Variants in TBCB observed in about 807,000 individuals in gnomAD.
The protein encoded by TBCB is tubulin-folding cofactor B.
Under a neutral mutation model 29.2 loss-of-function variants are expected in TBCB, and 18 were observed. The observed-to-expected ratio is 0.62, with a 90% confidence interval of 0.43 to 0.91. TBCB has a LOEUF of 0.91. Among genes scored for constraint, TBCB ranks in the 40% least tolerant of loss-of-function variants. The probability of loss-of-function intolerance (pLI) is 0.00; values close to 1 mark genes in which losing one functional copy is unlikely to be tolerated. For missense variants in TBCB, 336 were observed against 337.6 expected (o/e 1.00, Z 0.04); for synonymous variants, 172 against 137.8 (o/e 1.25, Z -1.74).
intron 4 of TBCB, among the ~76,000 whole-genome samples, chr19:36,123,254 C>CTTTTTT (rs201890657): frequency 6.1e-5 from 8 of 131,436 alleles, no homozygotes; most frequent in Non-Finnish European, 1.1e-4. Flanking sequence ...GAACCTTCTT[C>CTTTTTT]TTTTTTTTTT....
intron 4 of TBCB, among the ~76,000 whole-genome samples, chr19:36,123,254 CT>C (rs201890657): frequency 0.014 from 1,820 of 131,406 alleles, 6 homozygotes; most frequent in South Asian, 0.041. Context: ...GAACCTTCTT[CT>C]TTTTTTTTTT....
intron 4 of TBCB, among the ~76,000 whole-genome samples, chr19:36,123,254 CTTTTTT>C (rs201890657): frequency 3.8e-5 from 5 of 131,398 alleles, no homozygotes; most frequent in East Asian, 2.2e-4. Context: ...GAACCTTCTT[CTTTTTT>C]TTTTTTTTTT....
chr19:36,115,147 C>T (rs992923064), upstream of TBCB: 15 of 572,002 alleles, frequency 2.6e-5, no homozygotes, highest in African/African-American at 2.7e-4. Flanking sequence ...CATCGTAAAC[C>T]GCAAAACACT....
intron 2 of TBCB, among the ~76,000 whole-genome samples, chr19:36,117,185 C>T (rs1387652062): frequency 6.6e-6 from 1 of 152,122 alleles, no homozygotes. Context: ...AGTAATTCTC[C>T]TCTGACACAC....
chr19:36,116,203 G>A lies in TBCB; in HGVS notation c.258+19G>A, dbSNP rs200039146. The stretch of plus-strand genomic sequence containing the variant: ...CATCCACGTGAGGACTCTCTATCTG[G>A]GACACTCCCCCACCCCACCTTTCAT... On this transcript the variant is annotated intron_variant, in intron 2 of 5. Coordinates refer to ENST00000221855, the MANE Select transcript of TBCB (RefSeq NM_001281.3). 4 of 1,610,706 alleles carry A rather than the reference G, an allele frequency of 2.5e-6. No homozygotes were observed. The highest frequency in any genetic ancestry group is 1.3e-5 in the African/African-American group (1 of 74,836).
intron 4 of TBCB, 84 bp from the exon 5 acceptor site, chr19:36,125,367 G>A: frequency 5.6e-6 from 8 of 1,432,516 alleles, no homozygotes; most frequent in Non-Finnish European, 7.9e-6. Context: ...CAATGGGTAG[G>A]CATGGATCCA....
Position 36,121,426 on chromosome 19 carries a change from AAG to A in TBCB, c.356-94_356-93del, listed in dbSNP as rs1974047296. 4.3e-6 allele frequency: 6 copies of A among 1,382,954 alleles called. No individual in the cohort carries two copies. The South Asian group carries it at 5.7e-5, about 13-fold the overall frequency. The allele number at this position is 1,382,954 out of a possible 1,614,324, so 85.7% of individuals were successfully genotyped here. A position where few individuals can be genotyped will look rare whatever the true frequency, so the allele number is the denominator to read the frequency against. On this transcript the variant is annotated intron_variant, in intron 3 of 5. Transcript: ENST00000221855. Reference sequence around the variant, plus strand: ...TGGGTGACAGCCCTTTGTCACCTGGAAGAGAGAGTTCCTCCGTGAACGTGGGC... The same window carrying A: ...TGGGTGACAGCCCTTTGTCACCTGGAAGAGAGTTCCTCCGTGAACGTGGGC...
chr19:36,124,529 G>T (rs938775775), intron 4 of TBCB, among the ~76,000 whole-genome samples: 1 of 151,864 alleles, frequency 6.6e-6, no homozygotes, highest in African/African-American at 2.4e-5. Flanking sequence ...CCATCGGTAT[G>T]TCGGGGTTTG....
intron 2 of TBCB, chr19:36,118,723 G>C (rs1230836464): frequency 2.0e-5 from 3 of 151,958 alleles, no homozygotes; most frequent in Non-Finnish European, 4.4e-5. Flanking sequence ...ATGGGGAAGG[G>C]GTGCCCTAGG....
Position 36,115,553 on chromosome 19 carries a change from G to C in TBCB, c.-8G>C. ...ACCGCGCTGCAGGCATCCGCAGGGCGCGGCAAGATGGAGGTGACGGGGGTG... is the reference window on the plus strand; with the variant it reads ...ACCGCGCTGCAGGCATCCGCAGGGCCCGGCAAGATGGAGGTGACGGGGGTG... On this transcript the variant is annotated 5_prime_UTR_variant, in exon 1 of 6. Transcript: ENST00000221855. 1 of 1,598,052 alleles carries C rather than the reference G, an allele frequency of 6.3e-7. No individual in the cohort carries two copies. Among genetic ancestry groups the C allele is most frequent in the East Asian group, 2.3e-5 (1 of 43,702 alleles).
intron 1 of TBCB, 102 bp downstream of exon 1, chr19:36,115,776 G>A: frequency 3.2e-6 from 4 of 1,247,448 alleles, no homozygotes; most frequent in Non-Finnish European, 4.5e-6. Flanking sequence ...GGGCGGGCCC[G>A]GAGGTGATCC....
At chr19:36,124,078 G>A (rs886394017) in intron 4 of TBCB, among the ~76,000 whole-genome samples, 2 of 152,080 alleles carry the variant, frequency 1.3e-5, no homozygotes, top group African/African-American at 2.4e-5. Flanking sequence ...CAGCACTTTA[G>A]TCTGTCTTTT....
At position 36,125,780 on chromosome 19, in the gene TBCB, T is replaced by C. The variant is rs779711727; in HGVS notation, c.733T>C (p.Ter245ArgextTer43). ...GGAGGACTACGGGTTGGACGAGATA[T>C]GACACCTAAGGAATTCCCCTGCTTC... is the stretch of plus-strand genomic sequence containing the variant. The part of the protein sequence containing the change: ...PEEDYGLDEI[*>R] Residue 245 changes from the stop codon to arginine (R), a stop_lost, in exon 6 of 6, where the codon TGA (stop) becomes CGA (arginine). Transcript: ENST00000221855. 1.3e-6 allele frequency: 2 copies of C among 1,527,416 alleles called. No homozygotes were observed. The highest frequency in any genetic ancestry group is 1.4e-5 in the African/African-American group (1 of 72,180). 94.6% of individuals were successfully genotyped at this position (1,527,416 alleles called of 1,614,324 possible).
chr19:36,123,207 A>G (rs1974084323), intron 4 of TBCB, among the ~76,000 whole-genome samples: 1 of 148,490 alleles, frequency 6.7e-6, no homozygotes, highest in Non-Finnish European at 1.5e-5. Flanking sequence ...CATTAGGGTC[A>G]TTTCCACTTT....
intron 4 of TBCB, 128 bp from the exon 5 acceptor site, chr19:36,125,323 C>T: frequency 9.9e-7 from 1 of 1,010,758 alleles, no homozygotes. Context: ...ATAGAGGTAG[C>T]AAGAAATGGT....
At chr19:36,118,973 C>G (rs1311131352) in intron 2 of TBCB, among the ~76,000 whole-genome samples, 2 of 152,158 alleles carry the variant, frequency 1.3e-5, no homozygotes, top group Non-Finnish European at 2.9e-5. Context: ...AGCTGTGGGT[C>G]AGGCCTCTGC....
chr19:36,118,471 G>T (rs1299424300), intron 2 of TBCB: 1 of 152,178 alleles, frequency 6.6e-6, no homozygotes, highest in African/African-American at 2.4e-5. Flanking sequence ...GAGGTGGACA[G>T]ATCACTTAAG....
At position 36,121,729 on chromosome 19, in the gene TBCB, C is replaced by G. The variant is rs1480870000; in HGVS notation, c.547+11C>G. 4 of 1,547,808 alleles carry G rather than the reference C, an allele frequency of 2.6e-6. No homozygotes were observed. The highest frequency in any genetic ancestry group is 3.5e-6 in the Non-Finnish European group (4 of 1,146,710). On this transcript the variant is annotated intron_variant, in intron 4 of 5. Coordinates refer to ENST00000221855, the MANE Select transcript of TBCB (RefSeq NM_001281.3). ...CCGTCATGTATGTAGGTGCGTGGCT[C>G]GCGGGCCCGGTCCCGGGCTCCAGGG... is the stretch of plus-strand genomic sequence containing the variant.
At chr19:36,116,238 C>A in intron 2 of TBCB, 54 bp downstream of exon 2, 2 of 1,598,232 alleles carry the variant, frequency 1.3e-6, no homozygotes, top group South Asian at 1.1e-5. Context: ...TTTGGTTATT[C>A]AACAGACACT....
Sources: allele counts gnomAD v4.1 joint callset (sites outside exome capture counted in the v4.1 genomes callset), GRCh38; gene constraint gnomAD v4.1.1; transcripts MANE v1.5; gene names NCBI Gene and HGNC (gene_info 2026-07-23, HGNC 2026-07-21).